The following ZCCHC2 variants were observed in gnomAD, a reference collection of about 807,000 sequenced individuals.
The protein encoded by ZCCHC2 is zinc finger CCHC domain-containing protein 2.
In ZCCHC2, 39 loss-of-function variants were observed where a neutral mutation model predicts 103.6. The observed-to-expected ratio is 0.38, with a 90% CI of 0.29 to 0.49. ZCCHC2 has a LOEUF of 0.49. Ranked by LOEUF, ZCCHC2 falls within the 20% of genes least tolerant of loss-of-function variation. ZCCHC2 has a pLI of 0.96. For synonymous variants in ZCCHC2, 687 were observed against 608.9 expected (o/e 1.13, Z -1.89); for missense variants, 1,483 against 1,491.0 (o/e 0.99, Z 0.09).
chr18:62,540,990 A>G (rs949401641), intron 2 of ZCCHC2, among the ~76,000 whole-genome samples: 1 of 152,206 alleles, frequency 6.6e-6, no homozygotes, highest in African/African-American at 2.4e-5. Context: ...GGTTCTGACC[A>G]AACAAAACCC....
chr18:62,532,738 T>A (rs958608331), intron 1 of ZCCHC2, among the ~76,000 whole-genome samples: 1 of 152,212 alleles, frequency 6.6e-6, no homozygotes, highest in African/African-American at 2.4e-5. Flanking sequence ...TTTTAACATT[T>A]AAAATTGACC....
intron 1 of ZCCHC2, chr18:62,525,061 T>C (rs2674020): frequency 0.7 from 92,803 of 132,200 alleles, 30,050 homozygotes; most frequent in African/African-American, 0.85. Flanking sequence ...AGAGAAACCT[T>C]TTCTAGCGCG....
chr18:62,523,470 C>G lies in ZCCHC2; in HGVS notation c.46C>G (p.Pro16Ala), dbSNP rs780660976. 1.2e-4 allele frequency: 126 copies of G among 1,091,746 alleles called. 2 individuals carry two copies. The South Asian group carries it at 2.4e-3, about 21-fold the overall frequency. The allele number at this position is 1,091,746 out of a possible 1,614,324, so 67.6% of individuals were successfully genotyped here. A position where few individuals can be genotyped will look rare whatever the true frequency, so the allele number is the denominator to read the frequency against. The change falls in exon 1 of 14, where the codon CCG becomes GCG. Residue 16 changes from proline (P) to alanine (A), a missense_variant. By Grantham distance (27) the Pro-to-Ala change is conservative. Around this residue, in one of 3 missense-constraint regions of ZCCHC2, gnomAD observed 568 missense variants for 525.1 expected, o/e 1.08. Transcript: ENST00000269499. ...LPLKPTHPAE[P>A]PPEAEEPEAD... The stretch of plus-strand genomic sequence containing the variant: ...GCTGAAGCCAACGCACCCCGCGGAG[C>G]CGCCGCCCGAGGCGGAGGAGCCCGA...
chr18:62,524,638 G>C (rs528959430), intron 1 of ZCCHC2: 101 of 438,346 alleles, frequency 2.3e-4, no homozygotes, highest in Admixed American at 8.8e-4. Flanking sequence ...TGCCACGGAA[G>C]ACGTGGAGCT....
At chr18:62,537,805 G>A (rs1279579669) in intron 1 of ZCCHC2, among the ~76,000 whole-genome samples, 2 of 152,154 alleles carry the variant, frequency 1.3e-5, no homozygotes, top group African/African-American at 4.8e-5. Flanking sequence ...AAGTGGAATT[G>A]CTGGGTCATA....
At chr18:62,575,676 T>C (rs1386772335) in intron 13 of ZCCHC2, 126 bp downstream of exon 13, 19 of 1,174,556 alleles carry the variant, frequency 1.6e-5, no homozygotes, top group Non-Finnish European at 1.2e-6. Flanking sequence ...GGATATTGTT[T>C]TCAGTGACAG....
exon 15 of ZCCHC2, chr18:62,585,269 C>G (rs546304293): frequency 6.6e-6 from 1 of 152,222 alleles, no homozygotes; most frequent in East Asian, 1.9e-4. Context: ...ACAAGTTTTG[C>G]GCACGGAGTA....
intron 1 of ZCCHC2, among the ~76,000 whole-genome samples, chr18:62,528,809 A>C (rs558813912): frequency 2.4e-4 from 36 of 152,124 alleles, no homozygotes; most frequent in Non-Finnish European, 4.4e-4. Flanking sequence ...AACTGACTTA[A>C]AATGAGAAGG....
rs1396121934 is a variant in ZCCHC2, at chr18:62,539,705, A to G, written c.964A>G (p.Met322Val). Residue 322 changes from methionine (M) to valine (V), a missense_variant, in exon 2 of 14, where the codon ATG (methionine) becomes GTG (valine). Met to Val is a conservative substitution (Grantham distance 21, BLOSUM62 1). Around this residue, in one of 3 missense-constraint regions of ZCCHC2, gnomAD observed 568 missense variants for 525.1 expected, o/e 1.08. Transcript: ENST00000269499. ...GAACAACTCTGCTCATGGTGATTAC[A>G]TGCAAAATAACGAGAGCAGCTTAAT... ...AQNNSAHGDY[M>V]QNNESSLIEQ... 2 of 1,598,262 alleles carry G rather than the reference A, an allele frequency of 1.3e-6. No homozygotes were observed. Among genetic ancestry groups the G allele is most frequent in the South Asian group, 2.3e-5 (2 of 87,954 alleles).
chr18:62,535,947 T>C (rs556622298), intron 1 of ZCCHC2, among the ~76,000 whole-genome samples: 1 of 152,378 alleles, frequency 6.6e-6, no homozygotes, highest in South Asian at 2.1e-4. Flanking sequence ...TGCTGTGTTA[T>C]TATATTTGGA....
intron 5 of ZCCHC2, among the ~76,000 whole-genome samples, chr18:62,553,586 A>G (rs1489768060): frequency 1.3e-5 from 2 of 152,128 alleles, no homozygotes; most frequent in Non-Finnish European, 2.9e-5. Context: ...TGTAAGATCA[A>G]TTTATGGAAA....
At chr18:62,539,655 A>T in intron 1 of ZCCHC2, 26 bp from the exon 2 acceptor site, 1 of 1,538,026 alleles carries the variant, frequency 6.5e-7, no homozygotes, top group East Asian at 2.4e-5. Flanking sequence ...GGTTTAAGTT[A>T]ACGTATCTCC....
At chr18:62,543,531 C>T (rs987009449) in intron 3 of ZCCHC2, among the ~76,000 whole-genome samples, 2 of 152,214 alleles carry the variant, frequency 1.3e-5, no homozygotes, top group African/African-American at 2.4e-5. Context: ...TTACTCTCCA[C>T]GCTCAGTCAG....
chr18:62,549,143 C>T (rs954147429), intron 4 of ZCCHC2, among the ~76,000 whole-genome samples: 3 of 151,758 alleles, frequency 2.0e-5, no homozygotes, highest in Admixed American at 6.6e-5. Flanking sequence ...GGTGTGAACC[C>T]GGGAGGTGGA....
chr18:62,576,726 G>A lies in ZCCHC2; in HGVS notation c.*147G>A, dbSNP rs954503829. ...GATTTTTCATTTCTCTTGTACCAAT[G>A]TCCAAAACAAGAAAGAATGCAATGC... On this transcript the variant is annotated 3_prime_UTR_variant, in exon 14 of 14. Coordinates refer to ENST00000269499, the MANE Select transcript of ZCCHC2 (RefSeq NM_017742.6). 7 of 709,582 alleles carry A rather than the reference G, an allele frequency of 9.9e-6. No homozygotes were observed. Among genetic ancestry groups the A allele is most frequent in the East Asian group, 2.9e-5 (1 of 34,864 alleles). The allele number at this position is 709,582 out of a possible 1,614,324, so 44.0% of individuals were successfully genotyped here. A position where few individuals can be genotyped will look rare whatever the true frequency, so the allele number is the denominator to read the frequency against.
Position 62,523,855 on chromosome 18 carries a change from A to G in ZCCHC2, c.431A>G (p.Tyr144Cys), listed in dbSNP as rs756868843. The G allele has an allele frequency of 8.4e-6, 13 of 1,544,328 alleles. No individual in the cohort carries two copies. Among genetic ancestry groups the G allele is most frequent in the Non-Finnish European group, 1.1e-5 (13 of 1,146,216 alleles). Residue 144 changes from tyrosine (Y) to cysteine (C), a missense_variant, in exon 1 of 14, where the codon TAC becomes TGC. Around this residue, in one of 3 missense-constraint regions of ZCCHC2, gnomAD observed 568 missense variants for 525.1 expected, o/e 1.08. Coordinates refer to ENST00000269499, the MANE Select transcript of ZCCHC2 (RefSeq NM_017742.6). The stretch of plus-strand genomic sequence containing the variant: ...GACCTGGCGCGCAAGGACTACCACT[A>G]CCTGCGCGACTCGGAGGCCAAGGCC... The part of the protein sequence containing the change: ...LEDLARKDYH[Y>C]LRDSEAKANG...
chr18:62,550,003 C>T (rs972526585), intron 4 of ZCCHC2, among the ~76,000 whole-genome samples: 2 of 152,190 alleles, frequency 1.3e-5, no homozygotes, highest in East Asian at 1.9e-4. Flanking sequence ...GAATCTTCAC[C>T]TTAACTCGAG....
chr18:62,539,570 C>G (rs1009589134), intron 1 of ZCCHC2, 111 bp from the exon 2 acceptor site: 9 of 805,588 alleles, frequency 1.1e-5, no homozygotes, highest in Non-Finnish European at 1.8e-5. Context: ...CCTATTGGAC[C>G]TCTAAAAATT....
Position 62,524,159 on chromosome 18 carries a change from C to G in ZCCHC2, c.735C>G (p.Pro245=), listed in dbSNP as rs1196993925. Residue 245 remains proline, a synonymous_variant, in exon 1 of 14, where the codon CCC becomes CCG. Transcript: ENST00000269499. ...GCCCGGAAGGCGGCATTGTGGAGCC[C>G]CGGGTCGGCGGCGGGCTTGGCTCCA... ...GSGPEGGIVE[P]RVGGGLGSRA... is the part of the protein sequence containing the mutation. 6.5e-7 allele frequency: 1 copy of G among 1,546,218 alleles called. No homozygotes were observed. Among genetic ancestry groups the G allele is most frequent in the Non-Finnish European group, 8.7e-7 (1 of 1,145,984 alleles).
Sources: allele counts gnomAD v4.1 joint callset (sites outside exome capture counted in the v4.1 genomes callset), GRCh38; gene constraint gnomAD v4.1.1; regional missense constraint gnomAD v4.1.1; transcripts MANE v1.5; gene names NCBI Gene and HGNC (gene_info 2026-07-23, HGNC 2026-07-21).